Variants in SUCLG2 observed in about 807,000 individuals in gnomAD.
SUCLG2 encodes the protein succinate--CoA ligase [GDP-forming] subunit beta, mitochondrial.
Under a neutral mutation model 47.9 loss-of-function variants are expected in SUCLG2, and 42 were observed. That is an observed-to-expected ratio of 0.88 (90% CI 0.69 to 1.14). The LOEUF (loss-of-function observed/expected upper bound fraction) is 1.14. Among genes scored for constraint, SUCLG2 ranks in the 50% most tolerant of loss-of-function variants. The pLI is 0.00. For synonymous variants in SUCLG2, 195 were observed against 197.3 expected, an observed-to-expected ratio of 0.99 and a Z score of 0.10; for missense variants, 571 against 525.9, an observed-to-expected ratio of 1.09 and a Z score of -0.84.
intron 9 of SUCLG2, among the ~76,000 whole-genome samples, chr3:67,402,440 A>G (rs946567927): frequency 6.6e-6 from 1 of 152,242 alleles, no homozygotes; most frequent in Non-Finnish European, 1.5e-5. Flanking sequence ...TATTTTTCAA[A>G]CCAATTAGAG....
At chr3:67,547,918 T>G (rs1706910729) in intron 2 of SUCLG2, among the ~76,000 whole-genome samples, 1 of 152,080 alleles carries the variant, frequency 6.6e-6, no homozygotes, top group Non-Finnish European at 1.5e-5. Context: ...GCCTCCAGTA[T>G]GAAAGTTTCT....
chr3:67,498,160 C>T lies in SUCLG2; in HGVS notation c.893G>A (p.Gly298Glu), dbSNP rs1200211966. ...AAAGCAGGCAATGTTCCCATCTAGT[C>T]CTATGTATTTTAGATCATATTTGGC... ...EAAKYDLKYI[G>E]LDGNIACFVN... Residue 298 changes from glycine to glutamate, a missense_variant, in exon 8 of 11, where the codon GGA becomes GAA. Gly to Glu is a moderately conservative substitution (Grantham distance 98). Transcript: ENST00000307227. The T allele has an allele frequency of 6.2e-7, 1 of 1,612,650 alleles. No homozygotes were observed. Among genetic ancestry groups the T allele is most frequent in the Admixed American group, 1.7e-5 (1 of 59,976 alleles).
chr3:67,394,529 A>G (rs1464160302), intron 10 of SUCLG2, among the ~76,000 whole-genome samples: 1 of 150,818 alleles, frequency 6.6e-6, no homozygotes, highest in African/African-American at 2.4e-5. Flanking sequence ...ATGTGAAAAG[A>G]TCAAATCTAC....
chr3:67,527,782 G>A (rs994249220), intron 4 of SUCLG2, among the ~76,000 whole-genome samples: 11 of 152,172 alleles, frequency 7.2e-5, no homozygotes, highest in Admixed American at 5.2e-4. Context: ...GAGGGCCACT[G>A]TGTGGGAGCA....
chr3:67,485,295 A>G (rs969896884), intron 9 of SUCLG2, among the ~76,000 whole-genome samples: 2 of 152,202 alleles, frequency 1.3e-5, no homozygotes, highest in Admixed American at 6.5e-5. Context: ...TTTTATTGTT[A>G]TAAAACTGTT....
rs371098965 is a variant in SUCLG2 at position 67,469,146 on chromosome 3, A to G, written c.1062+26652T>C. 3.9e-5 allele frequency among the ~76,000 whole-genome samples: 6 copies of G among 152,346 alleles called. 1 individual carries two copies. The highest frequency in any genetic ancestry group is 1.4e-4 in the African/African-American group (6 of 41,584). ...AGTAACCAAATTAAAGCAGATGTAT[A>G]AAATGGGCATGAGGTAGGCTGGCGA... On this transcript the variant is annotated intron_variant, in intron 9 of 10. Transcript: ENST00000307227.
intron 7 of SUCLG2, among the ~76,000 whole-genome samples, chr3:67,507,479 A>ACTATGAGCTAGACATCTTATTTT: frequency 6.6e-6 from 1 of 152,042 alleles, no homozygotes; most frequent in Admixed American, 6.6e-5. Flanking sequence ...TATTTTCACA[A>ACTATGAGCTAGACATCTTATTTT]CACTCTATGA....
At chr3:67,377,322 G>C (rs954463841) in intron 10 of SUCLG2, among the ~76,000 whole-genome samples, 15 of 152,246 alleles carry the variant, frequency 9.9e-5, no homozygotes, top group Non-Finnish European at 1.8e-4. Context: ...GGTATAGATT[G>C]TGATGAGAAG....
chr3:67,449,854 T>C (rs13065827), intron 9 of SUCLG2, among the ~76,000 whole-genome samples: 19,573 of 152,040 alleles, frequency 0.13, 1,714 homozygotes, highest in African/African-American at 0.24. Flanking sequence ...CCTCAAGTGA[T>C]CCACCTGCAT....
intron 2 of SUCLG2, among the ~76,000 whole-genome samples, chr3:67,544,273 T>C (rs1314168518): frequency 6.6e-6 from 1 of 152,166 alleles, no homozygotes; most frequent in African/African-American, 2.4e-5. Flanking sequence ...ATGGTTTGGC[T>C]CTGTGTCCCC....
intron 2 of SUCLG2, among the ~76,000 whole-genome samples, chr3:67,549,186 T>C (rs1706946079): frequency 6.6e-6 from 1 of 152,158 alleles, no homozygotes; most frequent in South Asian, 2.1e-4. Context: ...CAACAAGGGA[T>C]TGAATTTTCC....
At chr3:67,477,071 G>C (rs1194093438) in intron 9 of SUCLG2, among the ~76,000 whole-genome samples, 1 of 152,052 alleles carries the variant, frequency 6.6e-6, no homozygotes, top group East Asian at 1.9e-4. Flanking sequence ...AATTCTGCTT[G>C]TATCTATCTG....
At chr3:67,539,029 TC>T in intron 2 of SUCLG2, among the ~76,000 whole-genome samples, 1 of 152,206 alleles carries the variant, frequency 6.6e-6, no homozygotes, top group Non-Finnish European at 1.5e-5. Context: ...CTTCCTCTCT[TC>T]CTATTTGAAT....
intron 2 of SUCLG2, among the ~76,000 whole-genome samples, chr3:67,588,535 G>A (rs1403200157): frequency 6.6e-6 from 1 of 152,162 alleles, no homozygotes; most frequent in Non-Finnish European, 1.5e-5. Context: ...ATTTTGACTT[G>A]TTAGTCTCCA....
At chr3:67,520,446 T>C in intron 5 of SUCLG2, 36 bp downstream of exon 5, 1 of 1,613,496 alleles carries the variant, frequency 6.2e-7, no homozygotes. Context: ...ACAATAACAA[T>C]CAATTAATAG....
chr3:67,397,982 A>C (rs1378104377), intron 10 of SUCLG2, among the ~76,000 whole-genome samples: 1 of 150,392 alleles, frequency 6.6e-6, no homozygotes, highest in East Asian at 2.0e-4. Flanking sequence ...GAAAGCTAAA[A>C]CTGGATCCCT....
intron 2 of SUCLG2, among the ~76,000 whole-genome samples, chr3:67,571,931 T>C (rs1707623586): frequency 6.6e-6 from 1 of 152,212 alleles, no homozygotes; most frequent in Non-Finnish European, 1.5e-5. Flanking sequence ...GTGTGTCCAT[T>C]TTCTTCAGAG....
intron 2 of SUCLG2, among the ~76,000 whole-genome samples, chr3:67,580,250 G>A (rs1334006996): frequency 6.6e-6 from 1 of 151,942 alleles, no homozygotes; most frequent in African/African-American, 2.4e-5. Context: ...CTGTTGCCAT[G>A]ATATATATAT....
chr3:67,565,680 T>C (rs1016993686), intron 2 of SUCLG2, among the ~76,000 whole-genome samples: 8 of 152,224 alleles, frequency 5.3e-5, no homozygotes, highest in Admixed American at 2.0e-4. Context: ...TATCATATTG[T>C]ACAAGAGTAA....
Sources: allele counts gnomAD v4.1 joint callset (sites outside exome capture counted in the v4.1 genomes callset), GRCh38; gene constraint gnomAD v4.1.1; transcripts MANE v1.5; gene names NCBI Gene and HGNC (gene_info 2026-07-23, HGNC 2026-07-21).